The following BCL2 variants were observed in gnomAD, a reference collection of about 807,000 sequenced individuals.
BCL2 encodes apoptosis regulator Bcl-2.
BCL2 carries 1 observed loss-of-function variant against 14.2 expected under a neutral mutation model. The observed-to-expected ratio is 0.07, with a 90% confidence interval of 0.02 to 0.33. The LOEUF (loss-of-function observed/expected upper bound fraction) is 0.33. Ranked by LOEUF, BCL2 falls within the 10% of genes least tolerant of loss-of-function variation. The pLI is 0.99. For synonymous variants in BCL2, 151 were observed against 137.2 expected (o/e 1.10, Z -0.70); for missense variants, 247 against 305.9 (o/e 0.81, Z 1.44).
intron 2 of BCL2, among the ~76,000 whole-genome samples, chr18:63,164,547 A>C (rs1914997199): frequency 6.6e-6 from 1 of 152,226 alleles, no homozygotes; most frequent in African/African-American, 2.4e-5. Flanking sequence ...GTGGTTGGAA[A>C]TGAAGCCCAT....
intron 2 of BCL2, among the ~76,000 whole-genome samples, chr18:63,271,957 C>G (rs962629475): frequency 6.6e-6 from 1 of 152,216 alleles, no homozygotes; most frequent in African/African-American, 2.4e-5. Context: ...TCTGCTTCCC[C>G]CTTGCTCAAA....
Position 63,318,313 on chromosome 18 carries a change from C to G in BCL2, c.354G>C (p.Gln118His). The G allele has an allele frequency of 6.2e-7, 1 of 1,613,926 alleles. No individual in the cohort carries two copies. Among genetic ancestry groups the G allele is most frequent in the Non-Finnish European group, 8.5e-7 (1 of 1,179,894 alleles). Reference sequence around the variant, plus strand: ...GCGCGGTGAAGGGCGTCAGGTGCAGCTGGCTGGACATCTCGGCGAAGTCGC... The same window carrying G: ...GCGCGGTGAAGGGCGTCAGGTGCAGGTGGCTGGACATCTCGGCGAAGTCGC... ...YRRDFAEMSS[Q>H]LHLTPFTARG... The change falls in exon 2 of 3, where the codon CAG (glutamine) becomes CAC (histidine). Residue 118 changes from glutamine to histidine, a missense_variant. By Grantham distance (24) the Gln-to-His change is conservative. This residue lies in a region of BCL2 where 67 missense variants were observed against 145.7 expected (regional missense o/e 0.46). Coordinates refer to ENST00000333681, the MANE Select transcript of BCL2 (RefSeq NM_000633.3). The surrounding 1 kb of genome is among the most constrained non-coding windows in gnomAD (Gnocchi z 7.4).
At position 63,298,182 on chromosome 18, in the gene BCL2, G is replaced by C. The variant is rs1338118175; in HGVS notation, c.585+19900C>G. On this transcript the variant is annotated intron_variant, in intron 2 of 2. Coordinates refer to ENST00000333681, the MANE Select transcript of BCL2 (RefSeq NM_000633.3). ...TGGGGTAAATGAGTGAAGGAACTCC[G>C]AGCTGCAATCTGGCTGCCGCATCCT... Among the ~76,000 whole-genome samples the C allele has an allele frequency of 2.0e-5, 3 of 152,254 alleles. No individual in the cohort carries two copies. The East Asian group carries it at 5.8e-4, about 29-fold the overall frequency.
intron 2 of BCL2, chr18:63,151,406 A>C (rs927840042): frequency 6.6e-6 from 1 of 150,476 alleles, no homozygotes; most frequent in Non-Finnish European, 1.5e-5. Context: ...AATACAAGCA[A>C]GAATGTCCTG....
intron 2 of BCL2, among the ~76,000 whole-genome samples, chr18:63,131,061 G>A (rs546530262): frequency 2.5e-4 from 38 of 152,144 alleles, no homozygotes; most frequent in Middle Eastern, 6.8e-3. Context: ...GGCAGAGGCC[G>A]CGGATGCTGT....
intron 2 of BCL2, among the ~76,000 whole-genome samples, chr18:63,184,616 T>C (rs1009845182): frequency 1.3e-5 from 2 of 152,214 alleles, no homozygotes; most frequent in South Asian, 2.1e-4. Flanking sequence ...GTGCAACTCA[T>C]TGCAAAAGGA....
At chr18:63,305,879 C>T (rs1031835854) in intron 2 of BCL2, among the ~76,000 whole-genome samples, 6 of 152,066 alleles carry the variant, frequency 3.9e-5, no homozygotes, top group African/African-American at 1.4e-4. Context: ...TGTGACCAGC[C>T]TGGGCAACAA....
At position 63,127,834 on chromosome 18, in the gene BCL2, A is replaced by G. The variant is rs2144583332; in HGVS notation, c.*791T>C. On this transcript the variant is annotated 3_prime_UTR_variant, in exon 3 of 3. Transcript: ENST00000333681. ...TATCCAAAATATATGAATATACACA[A>G]TCAGGGCTTAAGGTACTGGATGATA... 2 of 223,384 alleles carry G rather than the reference A, an allele frequency of 9.0e-6. No individual in the cohort carries two copies. The highest frequency in any genetic ancestry group is 1.3e-4 in the East Asian group (2 of 15,386). 13.8% of individuals were successfully genotyped at this position (223,384 alleles called of 1,614,324 possible). A position where few individuals can be genotyped will look rare whatever the true frequency, so the allele number is the denominator to read the frequency against.
At chr18:63,131,488 G>C (rs944694715) in intron 2 of BCL2, among the ~76,000 whole-genome samples, 2 of 152,192 alleles carry the variant, frequency 1.3e-5, no homozygotes, top group African/African-American at 4.8e-5. Context: ...GGATCAGTGG[G>C]GCAGGAAGGA....
intron 2 of BCL2, among the ~76,000 whole-genome samples, chr18:63,232,275 AAAG>A (rs1212067825): frequency 6.6e-6 from 1 of 152,118 alleles, no homozygotes; most frequent in Non-Finnish European, 1.5e-5. Context: ...ATAAAGTAAA[AAAG>A]AAGAAGAAGG....
At chr18:63,239,363 A>G (rs982892851) in intron 2 of BCL2, among the ~76,000 whole-genome samples, 1 of 152,220 alleles carries the variant, frequency 6.6e-6, no homozygotes, top group Non-Finnish European at 1.5e-5. Flanking sequence ...CTAGGTTTTG[A>G]GTGCACAATG....
At chr18:63,189,007 T>C (rs1915656327) in intron 2 of BCL2, among the ~76,000 whole-genome samples, 1 of 150,850 alleles carries the variant, frequency 6.6e-6, no homozygotes, top group African/African-American at 2.4e-5. Flanking sequence ...AAGTTTTTTT[T>C]TTTTTTTTGC....
In BCL2 at chr18:63,250,742, A is replaced by C. The variant is rs544219656; in HGVS notation, c.585+67340T>G. The stretch of plus-strand genomic sequence containing the variant: ...CTGTCTTTTGAAGAATTTCTGAAAC[A>C]AACATGTGGTCCATAAGTCCAAGTA... On this transcript the variant is annotated intron_variant, in intron 2 of 2. Transcript: ENST00000333681. Among the ~76,000 whole-genome samples the C allele has an allele frequency of 7.9e-5, 12 of 152,370 alleles. No individual in the cohort carries two copies. In the South Asian group the frequency reaches 2.5e-3, roughly 32 times the overall value.
At chr18:63,186,802 A>G (rs1915602904) in intron 2 of BCL2, among the ~76,000 whole-genome samples, 1 of 152,230 alleles carries the variant, frequency 6.6e-6, no homozygotes, top group Non-Finnish European at 1.5e-5. Context: ...TGTAAACCCA[A>G]GTTTATACAT....
chr18:63,308,351 A>C (rs1913206197), intron 2 of BCL2, among the ~76,000 whole-genome samples: 1 of 152,240 alleles, frequency 6.6e-6, no homozygotes, highest in Non-Finnish European at 1.5e-5. Context: ...GATCAGAGTT[A>C]AAATCCACCT....
In BCL2 at chr18:63,229,169, T is replaced by TTTTA. The variant is rs549107762; in HGVS notation, c.585+88909_585+88912dup. On this transcript the variant is annotated intron_variant, in intron 2 of 2. Transcript: ENST00000333681. ...AACAATTCAAAATTATAGTGGGAGA[T>TTTTA]TTTATTTATTTATTTATTTATATTT... Among the ~76,000 whole-genome samples, 117 of 152,234 alleles carry TTTTA rather than the reference T, an allele frequency of 7.7e-4. 2 individuals are homozygous for TTTTA. In the South Asian group the frequency reaches 0.018, roughly 24 times the overall value.
chr18:63,177,874 C>G (rs908584956), intron 2 of BCL2, among the ~76,000 whole-genome samples: 3 of 152,174 alleles, frequency 2.0e-5, no homozygotes, highest in African/African-American at 7.2e-5. Context: ...GGTGGACTCT[C>G]CGCATCTCCA....
chr18:63,201,829 G>C (rs772868399), intron 2 of BCL2, among the ~76,000 whole-genome samples: 4 of 152,060 alleles, frequency 2.6e-5, no homozygotes, highest in Admixed American at 6.5e-5. Flanking sequence ...GGCCTGTTAG[G>C]GGGTGGGGGT....
In BCL2 at chr18:63,294,545, C is replaced by G. The variant is rs147093413; in HGVS notation, c.585+23537G>C. 8.3e-3 allele frequency among the ~76,000 whole-genome samples: 1,261 copies of G among 152,130 alleles called. 17 individuals carry two copies. The highest frequency in any genetic ancestry group is 0.029 in the African/African-American group (1,201 of 41,478). On this transcript the variant is annotated intron_variant, in intron 2 of 2. Transcript: ENST00000333681. ...ATTAGCTGGGTGTGGTGGCACACAC[C>G]TGTAGTTCCAGCTACTCAGGAGGCT... is the stretch of plus-strand genomic sequence containing the variant.
Sources: allele counts gnomAD v4.1 joint callset (sites outside exome capture counted in the v4.1 genomes callset), GRCh38; gene constraint gnomAD v4.1.1; regional missense constraint gnomAD v4.1.1; non-coding constraint Gnocchi (gnomAD v3.1); transcripts MANE v1.5; gene names NCBI Gene and HGNC (gene_info 2026-07-23, HGNC 2026-07-21).